KSR1: variants seen among roughly 807,000 people sequenced by gnomAD.
KSR1 encodes kinase suppressor of ras 1, also known as kinase suppressor of ras.
KSR1 carries 35 observed loss-of-function variants against 92.9 expected under a neutral mutation model. The observed-to-expected ratio is 0.38, with a 90% CI of 0.29 to 0.50. The LOEUF (loss-of-function observed/expected upper bound fraction) is 0.50, where lower values mean the gene tolerates loss of function less well. Among genes scored for constraint, KSR1 ranks in the 20% least tolerant of loss-of-function variants. The pLI is 0.94. For missense variants in KSR1, 972 were observed against 1,158.5 expected, an observed-to-expected ratio of 0.84 and a Z score of 2.34; for synonymous variants, 467 against 472.6, an observed-to-expected ratio of 0.99 and a Z score of 0.15.
chr17:27,540,327 G>T (rs559302621), intron 1 of KSR1, among the ~76,000 whole-genome samples: 2 of 152,316 alleles, frequency 1.3e-5, no homozygotes, highest in East Asian at 1.9e-4. Context: ...CTGTTGTCAG[G>T]TCCTCAGACT....
chr17:27,608,731 G>A (rs1347936890), intron 15 of KSR1, among the ~76,000 whole-genome samples: 1 of 152,120 alleles, frequency 6.6e-6, no homozygotes, highest in Non-Finnish European at 1.5e-5. Context: ...CAAAGTTGGG[G>A]ACCCCGCTGT....
chr17:27,601,226 C>T, intron 10 of KSR1, 134 bp from the exon 11 acceptor site: 1 of 727,880 alleles, frequency 1.4e-6, no homozygotes, highest in Non-Finnish European at 2.3e-6. Flanking sequence ...CCTGTCCTTG[C>T]CAGGTCCATC....
rs1167977013 is a variant in KSR1 at position 27,478,705 on chromosome 17, T to C, written c.231+21831T>C. Among the ~76,000 whole-genome samples, 3 of 152,040 alleles carry C rather than the reference T, an allele frequency of 2.0e-5. No individual in the cohort carries two copies. The South Asian group carries it at 6.2e-4, about 32-fold the overall frequency. ...ATGGATCACCATTGGAGGAGTGGGG[T>C]TGGGGGCTTATCACCCCAGGAAGAT... On this transcript the variant is annotated intron_variant, in intron 1 of 20. Transcript: ENST00000644974.
intron 2 of KSR1, chr17:27,566,678 G>C: frequency 2.5e-6 from 1 of 397,602 alleles, no homozygotes; most frequent in African/African-American, 2.1e-5. Flanking sequence ...TGTAGAACAC[G>C]TGTGGAGAAA....
chr17:27,525,457 C>T (rs563421809), intron 1 of KSR1, among the ~76,000 whole-genome samples: 2 of 152,292 alleles, frequency 1.3e-5, no homozygotes, highest in South Asian at 2.1e-4. Flanking sequence ...AATGAGTTAC[C>T]GCATGTAATG....
At chr17:27,572,147 A>G (rs1395017368) in intron 2 of KSR1, among the ~76,000 whole-genome samples, 1 of 152,258 alleles carries the variant, frequency 6.6e-6, no homozygotes, top group African/African-American at 2.4e-5. Flanking sequence ...TCAGCACTCA[A>G]CTGGCCCTGC....
chr17:27,487,639 C>A (rs1567755426), intron 1 of KSR1, among the ~76,000 whole-genome samples: 1 of 151,160 alleles, frequency 6.6e-6, no homozygotes, highest in East Asian at 1.9e-4. Flanking sequence ...GCTGTACAAG[C>A]ATGGCTGTAC....
intron 1 of KSR1, among the ~76,000 whole-genome samples, chr17:27,519,156 G>T (rs1447362723): frequency 6.6e-6 from 1 of 152,218 alleles, no homozygotes; most frequent in African/African-American, 2.4e-5. Context: ...CTGAACAGAG[G>T]CTGCCCTAAA....
intron 3 of KSR1, among the ~76,000 whole-genome samples, chr17:27,581,221 ACT>A (rs1259357650): frequency 6.6e-6 from 1 of 152,016 alleles, no homozygotes; most frequent in East Asian, 1.9e-4. Flanking sequence ...TTTTAAACTC[ACT>A]CTCTCGAGAA....
At chr17:27,604,635 G>A (rs370585030) in intron 12 of KSR1, 45 bp from the exon 13 acceptor site, 155 of 1,582,042 alleles carry the variant, frequency 9.8e-5, no homozygotes, top group Non-Finnish European at 1.3e-4. Flanking sequence ...TGAGAGCAGA[G>A]CGGTGTTCCT....
At chr17:27,575,840 C>T (rs561159190) in intron 2 of KSR1, among the ~76,000 whole-genome samples, 3 of 152,288 alleles carry the variant, frequency 2.0e-5, no homozygotes, top group Non-Finnish European at 2.9e-5. Context: ...ACACACCACC[C>T]GCTTATCATC....
chr17:27,574,037 A>C (rs562134546), intron 2 of KSR1, among the ~76,000 whole-genome samples: 1 of 152,310 alleles, frequency 6.6e-6, no homozygotes, highest in African/African-American at 2.4e-5. Context: ...GCCCCATTAA[A>C]CATCTCTATC....
At position 27,587,917 on chromosome 17, in the gene KSR1, G is replaced by A. The variant is rs563730580; in HGVS notation, c.986-558G>A. ...TGGGGCTGGCCCACTCGAGAATGTGGTAAAGCTTCACCTTGTCCTCGTTCT... is the reference window on the plus strand; with the variant it reads ...TGGGGCTGGCCCACTCGAGAATGTGATAAAGCTTCACCTTGTCCTCGTTCT... On this transcript the variant is annotated intron_variant, in intron 5 of 20. Transcript: ENST00000644974. 2.0e-5 allele frequency among the ~76,000 whole-genome samples: 3 copies of A among 152,338 alleles called. No homozygotes were observed. The South Asian group carries it at 6.2e-4, about 32-fold the overall frequency.
chr17:27,566,593 C>T (rs1402379266), intron 2 of KSR1: 11 of 398,964 alleles, frequency 2.8e-5, no homozygotes, highest in Middle Eastern at 6.2e-4. Flanking sequence ...GGGGTCTGGG[C>T]GCAGGAGGCC....
intron 20 of KSR1, chr17:27,621,920 C>T (rs763237280): frequency 1.2e-6 from 2 of 1,613,696 alleles, no homozygotes; most frequent in Non-Finnish European, 1.7e-6. Flanking sequence ...CTTCTCTTTC[C>T]CTCTGTAGGT....
At chr17:27,554,070 G>A (rs1318675280) in intron 2 of KSR1, among the ~76,000 whole-genome samples, 1 of 152,164 alleles carries the variant, frequency 6.6e-6, no homozygotes, top group Non-Finnish European at 1.5e-5. Context: ...GTGGGAATTG[G>A]CTCTGTAAGT....
chr17:27,543,704 G>A (rs1352296226), intron 1 of KSR1, among the ~76,000 whole-genome samples: 1 of 152,210 alleles, frequency 6.6e-6, no homozygotes, highest in East Asian at 1.9e-4. Context: ...TACGGGTGCA[G>A]ATGTTCCTTT....
At chr17:27,495,773 A>C (rs879391459) in intron 1 of KSR1, among the ~76,000 whole-genome samples, 7 of 152,210 alleles carry the variant, frequency 4.6e-5, no homozygotes, top group Admixed American at 4.6e-4. Context: ...GTCTACAGTC[A>C]GTTCAGTTTA....
At chr17:27,564,242 C>T (rs1028120257) in intron 2 of KSR1, among the ~76,000 whole-genome samples, 4 of 152,152 alleles carry the variant, frequency 2.6e-5, no homozygotes, top group Non-Finnish European at 5.9e-5. Context: ...CTGCCTGCCT[C>T]GGCCTCCCAA....
Sources: gnomAD v4.1 joint callset for allele counts (sites outside exome capture counted in the v4.1 genomes callset) on GRCh38, gnomAD v4.1.1 for gene constraint, MANE v1.5 for transcripts, NCBI Gene and HGNC (gene_info 2026-07-23, HGNC 2026-07-21) for gene names.